PDE3A: variants seen among roughly 807,000 people sequenced by gnomAD.
The protein encoded by PDE3A is cGMP-inhibited 3',5'-cyclic phosphodiesterase 3A.
Under a neutral mutation model 98.3 loss-of-function variants are expected in PDE3A, and 43 were observed. The observed-to-expected ratio is 0.44, with a 90% CI of 0.34 to 0.56. The LOEUF (loss-of-function observed/expected upper bound fraction) is 0.56. PDE3A is among the 20% of genes least tolerant of loss of function. The probability of loss-of-function intolerance (pLI) is 0.01; values close to 1 mark genes in which losing one functional copy is unlikely to be tolerated. For synonymous variants in PDE3A, 663 were observed against 567.9 expected (o/e 1.17, Z -2.38); for missense variants, 1,427 against 1,440.7 (o/e 0.99, Z 0.15).
intron 2 of PDE3A, among the ~76,000 whole-genome samples, chr12:20,577,431 C>T (rs1592074106): frequency 6.6e-6 from 1 of 152,176 alleles, no homozygotes; most frequent in African/African-American, 2.4e-5. Context: ...AGGTTTGCTA[C>T]ATTTAATGCC....
intron 2 of PDE3A, among the ~76,000 whole-genome samples, chr12:20,559,441 C>A (rs1227961688): frequency 6.6e-6 from 1 of 151,348 alleles, no homozygotes; most frequent in African/African-American, 2.4e-5. Context: ...AGTTTGAGAC[C>A]AGCCTGTCCA....
chr12:20,594,937 T>G (rs1943429174), intron 2 of PDE3A, among the ~76,000 whole-genome samples: 3 of 152,238 alleles, frequency 2.0e-5, no homozygotes, highest in Middle Eastern at 3.4e-3. Flanking sequence ...ATTATAAAAT[T>G]TTATTATTAC....
chr12:20,386,149 A>G (rs377733527), intron 1 of PDE3A, among the ~76,000 whole-genome samples: 1 of 28,222 alleles, frequency 3.5e-5, no homozygotes, highest in Non-Finnish European at 7.4e-5. Flanking sequence ...ATAAATATAT[A>G]TATAAATATA....
Position 20,369,379 on chromosome 12 carries a change from G to A in PDE3A, c.95G>A (p.Arg32His), listed in dbSNP as rs1459681418. The change falls in exon 1 of 16, where the codon CGT becomes CAT. Residue 32 changes from arginine to histidine, a missense_variant. This residue lies in a region of PDE3A where 1,012 missense variants were observed against 886.5 expected (regional missense o/e 1.14). Transcript: ENST00000359062. Reference sequence around the variant, plus strand: ...ACGGCGGGCCGGGACTGCCACCATCGTGCGGACCCCGCATCGCCGCGGGAC... The same window carrying A: ...ACGGCGGGCCGGGACTGCCACCATCATGCGGACCCCGCATCGCCGCGGGAC... ...APTAGRDCHHRADPASPRDSG... is the reference protein window; with the variant it reads ...APTAGRDCHHHADPASPRDSG... 6.5e-7 allele frequency: 1 copy of A among 1,550,224 alleles called. No individual in the cohort carries two copies. Among genetic ancestry groups the A allele is most frequent in the South Asian group, 1.2e-5 (1 of 84,028 alleles).
intron 1 of PDE3A, among the ~76,000 whole-genome samples, chr12:20,404,603 T>C (rs1203564998): frequency 6.6e-6 from 1 of 152,196 alleles, no homozygotes; most frequent in Non-Finnish European, 1.5e-5. Flanking sequence ...ATATATTGAA[T>C]GGTACTGGCA....
chr12:20,503,730 G>C (rs547731739), intron 1 of PDE3A, among the ~76,000 whole-genome samples: 2 of 151,786 alleles, frequency 1.3e-5, no homozygotes, highest in African/African-American at 4.8e-5. Context: ...TGATAGTTTT[G>C]CTTATTTTAG....
At chr12:20,500,124 T>C (rs189792360) in intron 1 of PDE3A, among the ~76,000 whole-genome samples, 214 of 152,284 alleles carry the variant, frequency 1.4e-3, no homozygotes, top group African/African-American at 5.0e-3. Flanking sequence ...TTCACAAAAA[T>C]TCTCTTACTC....
At position 20,499,733 on chromosome 12, in the gene PDE3A, A is replaced by C. The variant is rs190202202; in HGVS notation, c.961-56927A>C. Among the ~76,000 whole-genome samples, 637 of 152,236 alleles carry C rather than the reference A, an allele frequency of 4.2e-3. 6 individuals carry two copies. Among genetic ancestry groups the C allele is most frequent in the Non-Finnish European group, 6.8e-3 (465 of 68,014 alleles). On this transcript the variant is annotated intron_variant, in intron 1 of 15. Transcript: ENST00000359062. The stretch of plus-strand genomic sequence containing the variant: ...TGTATGCACTAATGCACAAGTCTTA[A>C]ATGTACGGTTCAATTAGTTTGGCCA...
At chr12:20,560,851 A>G (rs1942498935) in intron 2 of PDE3A, among the ~76,000 whole-genome samples, 1 of 151,978 alleles carries the variant, frequency 6.6e-6, no homozygotes, top group Admixed American at 6.6e-5. Flanking sequence ...TCCTCGCCGG[A>G]AACCCACCCC....
At chr12:20,430,745 T>C (rs140410628) in intron 1 of PDE3A, among the ~76,000 whole-genome samples, 3 of 152,314 alleles carry the variant, frequency 2.0e-5, no homozygotes, top group Admixed American at 2.0e-4. Flanking sequence ...GCAGCCTGAA[T>C]TCCTGAGCCC....
rs532295322 is a variant in PDE3A at position 20,621,286 on chromosome 12, G to A, written c.1425-10G>A. On this transcript the variant is annotated splice_polypyrimidine_tract_variant and intron_variant, in intron 4 of 15. Coordinates refer to ENST00000359062, the MANE Select transcript of PDE3A (RefSeq NM_000921.5). ...ATTTTCTTTTAATTCTGTCTTTCTGGTGCTTTTAGTCCTGATTCTTGGAAT... is the reference window on the plus strand; with the variant it reads ...ATTTTCTTTTAATTCTGTCTTTCTGATGCTTTTAGTCCTGATTCTTGGAAT... 2.8e-6 allele frequency: 4 copies of A among 1,414,432 alleles called. No individual in the cohort carries two copies. In the South Asian group the frequency reaches 4.6e-5, roughly 16 times the overall value. The allele number at this position is 1,414,432 out of a possible 1,614,324, so 87.6% of individuals were successfully genotyped here.
intron 15 of PDE3A, among the ~76,000 whole-genome samples, chr12:20,671,750 A>G (rs1317500795): frequency 7.2e-6 from 1 of 139,300 alleles, no homozygotes; most frequent in Non-Finnish European, 1.6e-5. Flanking sequence ...ATCATACTGA[A>G]TGGGCAAAAA....
intron 1 of PDE3A, among the ~76,000 whole-genome samples, chr12:20,442,692 A>G (rs1565550679): frequency 6.6e-6 from 1 of 152,224 alleles, no homozygotes; most frequent in Non-Finnish European, 1.5e-5. Context: ...GTAGTTTGTA[A>G]TAGTGTCGAG....
chr12:20,536,666 A>G (rs1941756723), intron 1 of PDE3A, among the ~76,000 whole-genome samples: 1 of 151,984 alleles, frequency 6.6e-6, no homozygotes, highest in South Asian at 2.1e-4. Context: ...ACCATCTTTC[A>G]CTTAGCATAA....
intron 15 of PDE3A, among the ~76,000 whole-genome samples, chr12:20,669,073 G>C (rs1338216283): frequency 6.6e-6 from 1 of 151,904 alleles, no homozygotes; most frequent in South Asian, 2.1e-4. Context: ...AGGAGCCGAT[G>C]TGATCAACTG....
chr12:20,584,179 C>A (rs571512523), intron 2 of PDE3A, among the ~76,000 whole-genome samples: 1 of 152,288 alleles, frequency 6.6e-6, no homozygotes, highest in East Asian at 1.9e-4. Flanking sequence ...TCCAGAAATT[C>A]ATTTTGTGAG....
intron 1 of PDE3A, among the ~76,000 whole-genome samples, chr12:20,388,168 C>T (rs1253752889): frequency 6.6e-6 from 1 of 151,986 alleles, no homozygotes; most frequent in Non-Finnish European, 1.5e-5. Flanking sequence ...CCTCCAGGTG[C>T]TTTTAGGAAT....
At chr12:20,550,405 G>A (rs894939461) in intron 1 of PDE3A, among the ~76,000 whole-genome samples, 6 of 152,074 alleles carry the variant, frequency 3.9e-5, no homozygotes, top group African/African-American at 1.4e-4. Context: ...TATTGTCAAT[G>A]TTTGAAATGT....
chr12:20,669,902 G>A (rs1418038449), intron 15 of PDE3A, among the ~76,000 whole-genome samples: 2 of 151,924 alleles, frequency 1.3e-5, no homozygotes, highest in Non-Finnish European at 2.9e-5. Flanking sequence ...GACACAGACT[G>A]GCAAATTGGA....
Sources: allele counts gnomAD v4.1 joint callset (sites outside exome capture counted in the v4.1 genomes callset), GRCh38; gene constraint gnomAD v4.1.1; regional missense constraint gnomAD v4.1.1; transcripts MANE v1.5; gene names NCBI Gene and HGNC (gene_info 2026-07-23, HGNC 2026-07-21).